Variants in GPC5 observed in about 807,000 individuals in gnomAD.
The protein encoded by GPC5 is glypican-5.
Under a neutral mutation model 53.9 loss-of-function variants are expected in GPC5, and 47 were observed. The ratio of observed to expected loss-of-function variants is 0.87; its 90% CI spans 0.69 to 1.11. The LOEUF (loss-of-function observed/expected upper bound fraction) is 1.11. Among genes scored for constraint, GPC5 ranks in the 50% most tolerant of loss-of-function variants. The pLI is 0.00. For missense variants in GPC5, 748 were observed against 713.1 expected (o/e 1.05, Z -0.56); for synonymous variants, 286 against 263.3 (o/e 1.09, Z -0.84).
At chr13:91,770,517 A>G (rs980235758) in intron 5 of GPC5, among the ~76,000 whole-genome samples, 4 of 152,158 alleles carry the variant, frequency 2.6e-5, no homozygotes, top group Non-Finnish European at 5.9e-5. Context: ...AGATGCTCCT[A>G]TCACCCAGGA....
intron 7 of GPC5, among the ~76,000 whole-genome samples, chr13:92,422,100 C>T (rs1002930792): frequency 6.7e-6 from 1 of 150,316 alleles, no homozygotes; most frequent in Non-Finnish European, 1.5e-5. Context: ...CTAGAGATGG[C>T]TTAATATTAT....
At chr13:91,463,858 A>T (rs113481196) in intron 2 of GPC5, among the ~76,000 whole-genome samples, 1 of 152,100 alleles carries the variant, frequency 6.6e-6, no homozygotes, top group African/African-American at 2.4e-5. Context: ...CTAGAAGAAC[A>T]GTTCTTAGAT....
intron 7 of GPC5, among the ~76,000 whole-genome samples, chr13:92,630,836 A>G (rs574685589): frequency 1.3e-5 from 2 of 152,182 alleles, no homozygotes; most frequent in African/African-American, 4.8e-5. Context: ...ATACTTATCC[A>G]TCTCCAATCT....
At chr13:92,428,049 G>T (rs190410503) in intron 7 of GPC5, among the ~76,000 whole-genome samples, 1 of 152,066 alleles carries the variant, frequency 6.6e-6, no homozygotes, top group Non-Finnish European at 1.5e-5. Flanking sequence ...TCAGCAAAAT[G>T]TTTTATTGAG....
chr13:92,081,180 C>T (rs746509081), intron 6 of GPC5, among the ~76,000 whole-genome samples: 1 of 152,116 alleles, frequency 6.6e-6, no homozygotes, highest in Non-Finnish European at 1.5e-5. Flanking sequence ...ACGATCACTG[C>T]AACTTCCGCC....
intron 7 of GPC5, among the ~76,000 whole-genome samples, chr13:92,546,566 C>G (rs1026504696): frequency 6.6e-6 from 1 of 152,072 alleles, no homozygotes; most frequent in African/African-American, 2.4e-5. Flanking sequence ...TAGGAAGAAT[C>G]AATATTGTGA....
At chr13:91,656,034 T>C (rs2034837653) in intron 2 of GPC5, among the ~76,000 whole-genome samples, 1 of 152,132 alleles carries the variant, frequency 6.6e-6, no homozygotes, top group African/African-American at 2.4e-5. Flanking sequence ...GAGAAATGCT[T>C]CCCATAGAGT....
rs7989611 is a variant in GPC5, at chr13:92,063,140, A to C, written c.1402-81690A>C. 6.4e-3 allele frequency among the ~76,000 whole-genome samples: 981 copies of C among 152,198 alleles called. 17 individuals are homozygous for C. Among genetic ancestry groups the C allele is most frequent in the African/African-American group, 0.021 (862 of 41,538 alleles). On this transcript the variant is annotated intron_variant, in intron 6 of 7. Transcript: ENST00000377067. The stretch of plus-strand genomic sequence containing the variant: ...CTTAAACAGAATACACCAAATTTGC[A>C]TTGTTATTCAGATCCTAGCAACCTG...
At chr13:92,127,827 T>A (rs2041711899) in intron 6 of GPC5, among the ~76,000 whole-genome samples, 1 of 151,552 alleles carries the variant, frequency 6.6e-6, no homozygotes, top group Non-Finnish European at 1.5e-5. Flanking sequence ...AAAATTAACT[T>A]TTTTTTGTAT....
At chr13:91,775,110 A>C (rs1038703868) in intron 5 of GPC5, among the ~76,000 whole-genome samples, 2 of 152,200 alleles carry the variant, frequency 1.3e-5, no homozygotes, top group African/African-American at 4.8e-5. Flanking sequence ...GATGGGACAG[A>C]GTTTAAAGAT....
intron 7 of GPC5, among the ~76,000 whole-genome samples, chr13:92,239,643 C>A (rs1268742888): frequency 6.6e-6 from 1 of 151,840 alleles, no homozygotes; most frequent in Non-Finnish European, 1.5e-5. Flanking sequence ...CAAGTGAAAA[C>A]AACAATATAT....
chr13:92,482,046 G>A (rs1285856553), intron 7 of GPC5, among the ~76,000 whole-genome samples: 1 of 151,930 alleles, frequency 6.6e-6, no homozygotes, highest in African/African-American at 2.4e-5. Flanking sequence ...CAGGAGAATT[G>A]CTTGAACCCT....
chr13:91,575,413 T>C (rs866919200), intron 2 of GPC5, among the ~76,000 whole-genome samples: 2 of 152,226 alleles, frequency 1.3e-5, no homozygotes, highest in Middle Eastern at 3.4e-3. Flanking sequence ...CCTAGTATTA[T>C]CCACTTAAAG....
chr13:91,511,125 A>G (rs1486321267), intron 2 of GPC5, among the ~76,000 whole-genome samples: 1 of 152,174 alleles, frequency 6.6e-6, no homozygotes. Flanking sequence ...TGATTGTCTC[A>G]GAAGCATTTC....
At chr13:92,628,602 G>C (rs1264301149) in intron 7 of GPC5, among the ~76,000 whole-genome samples, 3 of 151,988 alleles carry the variant, frequency 2.0e-5, no homozygotes, top group Non-Finnish European at 4.4e-5. Flanking sequence ...GTGGCAACGT[G>C]TCCCCAGCAT....
intron 7 of GPC5, among the ~76,000 whole-genome samples, chr13:92,784,329 A>G (rs1876136883): frequency 6.6e-6 from 1 of 152,168 alleles, no homozygotes; most frequent in Admixed American, 6.5e-5. Flanking sequence ...ATTATTCCCT[A>G]TTTTGTAGTG....
intron 6 of GPC5, among the ~76,000 whole-genome samples, chr13:91,916,164 G>T (rs186513831): frequency 6.6e-6 from 1 of 152,250 alleles, no homozygotes; most frequent in Admixed American, 6.5e-5. Flanking sequence ...GTGTTGTAGA[G>T]ATGCAGAGAA....
At chr13:92,586,105 G>A (rs1041560695) in intron 7 of GPC5, among the ~76,000 whole-genome samples, 1 of 152,158 alleles carries the variant, frequency 6.6e-6, no homozygotes. Context: ...CATGCAACTC[G>A]TGAAGACTGT....
intron 6 of GPC5, among the ~76,000 whole-genome samples, chr13:92,045,403 G>A (rs903697589): frequency 6.6e-6 from 1 of 152,098 alleles, no homozygotes; most frequent in Non-Finnish European, 1.5e-5. Flanking sequence ...CTCCTACCAA[G>A]GAAGAAGCTA....
Sources: allele counts gnomAD v4.1 joint callset (sites outside exome capture counted in the v4.1 genomes callset), GRCh38; gene constraint gnomAD v4.1.1; transcripts MANE v1.5; gene names NCBI Gene and HGNC (gene_info 2026-07-23, HGNC 2026-07-21).